Variants in EPHA6 observed in about 807,000 individuals in gnomAD.
EPHA6 encodes the protein ephrin type-A receptor 6.
Under a neutral mutation model 112.0 loss-of-function variants are expected in EPHA6, and 50 were observed. That is an observed-to-expected ratio of 0.45 (90% confidence interval 0.36 to 0.56). The LOEUF (loss-of-function observed/expected upper bound fraction) is 0.56. EPHA6 is among the 20% of genes least tolerant of loss of function. The pLI is 0.00. For missense variants in EPHA6, 1,280 were observed against 1,417.4 expected, an observed-to-expected ratio of 0.90 and a Z score of 1.56; for synonymous variants, 529 against 490.7, an observed-to-expected ratio of 1.08 and a Z score of -1.03.
intron 5 of EPHA6, among the ~76,000 whole-genome samples, chr3:97,354,622 A>C (rs986661819): frequency 6.6e-6 from 1 of 152,128 alleles, no homozygotes; most frequent in Non-Finnish European, 1.5e-5. Flanking sequence ...AATAGCCAAA[A>C]AAGGGAAAAT....
In EPHA6 at chr3:97,483,921, ATTG is replaced by A; in HGVS notation, c.2075-6_2075-4del. ...CTCAAACTAAATCAATCGTTTTGTT[ATTG>A]TTGTTGCAGTGCGCTTCCCGGGAAT... On this transcript the variant is annotated splice_polypyrimidine_tract_variant and intron_variant, in intron 9 of 17. Transcript: ENST00000389672. 2.5e-6 allele frequency: 4 copies of A among 1,587,664 alleles called. No individual in the cohort carries two copies. Among genetic ancestry groups the A allele is most frequent in the South Asian group, 2.4e-5 (2 of 84,650 alleles).
chr3:97,398,864 C>A (rs1426998361), intron 5 of EPHA6, among the ~76,000 whole-genome samples: 1 of 151,202 alleles, frequency 6.6e-6, no homozygotes, highest in African/African-American at 2.4e-5. Context: ...TTATAGGGTA[C>A]AGTGTGATAT....
Position 96,901,528 on chromosome 3 carries a change from G to A in EPHA6, c.450+34639G>A, listed in dbSNP as rs571547203. 2.6e-5 allele frequency among the ~76,000 whole-genome samples: 4 copies of A among 151,544 alleles called. No individual in the cohort carries two copies. The East Asian group carries it at 5.8e-4, about 22-fold the overall frequency. On this transcript the variant is annotated intron_variant, in intron 2 of 17. Coordinates refer to ENST00000389672, the MANE Select transcript of EPHA6 (RefSeq NM_001080448.3). ...AGAAGATGTTTGAACTTCCAGAAAG[G>A]GACAGAATTATTAAAATCTTACTTG...
chr3:97,102,476 A>G (rs1424937856), intron 3 of EPHA6, among the ~76,000 whole-genome samples: 1 of 152,124 alleles, frequency 6.6e-6, no homozygotes, highest in African/African-American at 2.4e-5. Context: ...AAGGCCCAAT[A>G]TATTGTAAAT....
chr3:97,053,703 T>C (rs1449113057), intron 3 of EPHA6, among the ~76,000 whole-genome samples: 4 of 152,124 alleles, frequency 2.6e-5, no homozygotes, highest in African/African-American at 9.7e-5. Flanking sequence ...ATTTTATTTA[T>C]ATTTCTTACA....
chr3:97,535,187 C>G (rs1231040855), intron 11 of EPHA6, among the ~76,000 whole-genome samples: 2 of 151,964 alleles, frequency 1.3e-5, no homozygotes, highest in African/African-American at 4.8e-5. Flanking sequence ...TAGTTTATTT[C>G]ACATAAGCAT....
At chr3:97,152,005 G>C (rs2076183122) in intron 3 of EPHA6, among the ~76,000 whole-genome samples, 1 of 151,984 alleles carries the variant, frequency 6.6e-6, no homozygotes. Context: ...GTAACTTCAA[G>C]AGGTAGATAT....
At chr3:97,605,186 T>G (rs1297232920) in intron 12 of EPHA6, among the ~76,000 whole-genome samples, 2 of 151,484 alleles carry the variant, frequency 1.3e-5, no homozygotes, top group Non-Finnish European at 3.0e-5. Context: ...CTGCTTTTTT[T>G]TTAAAGTATA....
At chr3:97,456,818 A>T (rs754963072) in intron 7 of EPHA6, among the ~76,000 whole-genome samples, 1 of 152,038 alleles carries the variant, frequency 6.6e-6, no homozygotes, top group Non-Finnish European at 1.5e-5. Context: ...AAATTGCTTG[A>T]ATTTTTCTTT....
chr3:97,365,337 AC>A (rs955820449), intron 5 of EPHA6, among the ~76,000 whole-genome samples: 1 of 152,058 alleles, frequency 6.6e-6, no homozygotes, highest in African/African-American at 2.4e-5. Context: ...TCCAAATACT[AC>A]CCTACAGACA....
intron 16 of EPHA6, among the ~76,000 whole-genome samples, chr3:97,744,296 T>C (rs2035625027): frequency 6.6e-6 from 1 of 152,020 alleles, no homozygotes; most frequent in Admixed American, 6.6e-5. Flanking sequence ...ATAGCACAAA[T>C]TTCTACATGC....
intron 3 of EPHA6, among the ~76,000 whole-genome samples, chr3:97,072,570 T>C (rs1346128845): frequency 6.6e-6 from 1 of 152,136 alleles, no homozygotes; most frequent in Non-Finnish European, 1.5e-5. Flanking sequence ...TGACTTACAG[T>C]ATATGATGGT....
At chr3:97,188,072 A>G (rs1176538791) in intron 3 of EPHA6, among the ~76,000 whole-genome samples, 1 of 152,126 alleles carries the variant, frequency 6.6e-6, no homozygotes, top group Non-Finnish European at 1.5e-5. Context: ...AAAATTAGTA[A>G]TGTTTAGTAA....
In EPHA6 at chr3:97,758,769, G is replaced by A. The variant is rs1412217329; in HGVS notation, c.*10068G>A. 6.6e-6 allele frequency among the ~76,000 whole-genome samples: 1 copy of A among 151,884 alleles called. No individual in the cohort carries two copies. Among genetic ancestry groups the A allele is most frequent in the Non-Finnish European group, 1.5e-5 (1 of 67,880 alleles). On this transcript the variant is annotated 3_prime_UTR_variant, in exon 18 of 18. Transcript: ENST00000389672. ...GAAGCATCCATGAGAAGATATGGGGGAAGAGCATTACAAGCAGAGGGAAAA... is the reference window on the plus strand; with the variant it reads ...GAAGCATCCATGAGAAGATATGGGGAAAGAGCATTACAAGCAGAGGGAAAA...
chr3:97,289,968 C>T (rs537523599), intron 5 of EPHA6, among the ~76,000 whole-genome samples: 2 of 152,000 alleles, frequency 1.3e-5, no homozygotes, highest in East Asian at 1.9e-4. Context: ...TAGTTCTGCA[C>T]GGATTTTAGT....
intron 5 of EPHA6, among the ~76,000 whole-genome samples, chr3:97,360,434 T>C (rs2084316461): frequency 6.6e-6 from 1 of 152,246 alleles, no homozygotes; most frequent in Non-Finnish European, 1.5e-5. Flanking sequence ...TTATTTCAGA[T>C]TTGATGAAAA....
chr3:96,844,936 A>C (rs1005561396), intron 1 of EPHA6, among the ~76,000 whole-genome samples: 1 of 152,010 alleles, frequency 6.6e-6, no homozygotes, highest in Non-Finnish European at 1.5e-5. Flanking sequence ...TAAATTATAT[A>C]TAAATTGTAA....
chr3:97,187,773 T>C (rs1480924407), intron 3 of EPHA6, among the ~76,000 whole-genome samples: 1 of 150,498 alleles, frequency 6.6e-6, no homozygotes, highest in Non-Finnish European at 1.5e-5. Context: ...AAATGCCATA[T>C]ACAATTTCTG....
At chr3:97,612,830 C>A (rs1375640437) in intron 13 of EPHA6, among the ~76,000 whole-genome samples, 3 of 151,978 alleles carry the variant, frequency 2.0e-5, no homozygotes, top group Non-Finnish European at 2.9e-5. Flanking sequence ...CCACCTCATA[C>A]AATTATTATA....
Sources: allele counts gnomAD v4.1 joint callset (sites outside exome capture counted in the v4.1 genomes callset), GRCh38; gene constraint gnomAD v4.1.1; transcripts MANE v1.5; gene names NCBI Gene and HGNC (gene_info 2026-07-23, HGNC 2026-07-21).